The following TRIM47 variants were observed in gnomAD, a reference collection of about 807,000 sequenced individuals.
TRIM47 encodes tripartite motif containing 47, also known as E3 ubiquitin-protein ligase TRIM47.
Under a neutral mutation model 54.4 loss-of-function variants are expected in TRIM47, and 46 were observed. The ratio of observed to expected loss-of-function variants is 0.84; its 90% CI spans 0.67 to 1.08. The LOEUF is 1.08. Among genes scored for constraint, TRIM47 ranks in the 50% least tolerant of loss-of-function variants. The pLI is 0.00. For synonymous variants in TRIM47, 392 were observed against 410.2 expected (o/e 0.96, Z 0.54); for missense variants, 825 against 910.1 (o/e 0.91, Z 1.20).
In TRIM47 at chr17:75,874,972, G is replaced by T. The variant is rs1218750308; in HGVS notation, c.1428C>A (p.Ala476=). 6.2e-7 allele frequency: 1 copy of T among 1,613,964 alleles called. No homozygotes were observed. Residue 476 remains alanine, a synonymous_variant, in exon 6 of 6, where the codon GCC becomes GCA. Transcript: ENST00000254816. This position sits in a 1 kb window ranked among gnomAD's most constrained non-coding sequence, Gnocchi z 6.2. ...THCEQVLGEG[A]LDRGTYYWEV... Reference sequence around the variant, plus strand: ...CCCAGTAGTAGGTGCCTCGGTCCAGGGCACCCTCGCCCAGCACCTGCTCAC... The same window carrying T: ...CCCAGTAGTAGGTGCCTCGGTCCAGTGCACCCTCGCCCAGCACCTGCTCAC...
At position 75,874,873 on chromosome 17, in the gene TRIM47, G is replaced by C; in HGVS notation, c.1527C>G (p.Asp509Glu). The stretch of plus-strand genomic sequence containing the variant: ...GGGCGTTGCGGCCCAGCCGGCCGCG[G>C]TCGTAGGGCTCTTGTGGGGAGAAGT... ...AEDFSPQEPY[D>E]RGRLGRNAHS... is the part of the protein sequence containing the mutation. The change falls in exon 6 of 6, where the codon GAC (aspartate) becomes GAG (glutamate). Residue 509 changes from aspartate to glutamate, a missense_variant. By Grantham distance (45) the Asp-to-Glu change is conservative. Transcript: ENST00000254816. This position sits in a 1 kb window ranked among gnomAD's most constrained non-coding sequence, Gnocchi z 6.2. 1.2e-6 allele frequency: 2 copies of C among 1,614,170 alleles called. No homozygotes were observed. The highest frequency in any genetic ancestry group is 1.6e-4 in the Middle Eastern group (1 of 6,062).
Position 75,877,764 on chromosome 17 carries a change from G to A in TRIM47, c.675+110C>T, listed in dbSNP as rs1039581475. The A allele has an allele frequency of 8.8e-6, 11 of 1,254,348 alleles. No individual in the cohort carries two copies. The African/African-American group carries it at 1.4e-4, about 16-fold the overall frequency. 77.7% of individuals were successfully genotyped at this position (1,254,348 alleles called of 1,614,324 possible). On this transcript the variant is annotated intron_variant, in intron 1 of 5. Coordinates refer to ENST00000254816, the MANE Select transcript of TRIM47 (RefSeq NM_033452.3). ...GACCGCAAAGATCCTCAGGTTAGAGGAGGAGATTAAGACCCAACCCGGGAA... is the reference window on the plus strand; with the variant it reads ...GACCGCAAAGATCCTCAGGTTAGAGAAGGAGATTAAGACCCAACCCGGGAA...
Position 75,878,333 on chromosome 17 carries a change from C to A in TRIM47, c.216G>T (p.Thr72=). 1 of 1,318,378 alleles carries A rather than the reference C, an allele frequency of 7.6e-7. No homozygotes were observed. Among genetic ancestry groups the A allele is most frequent in the Non-Finnish European group, 9.7e-7 (1 of 1,028,618 alleles). 81.7% of individuals were successfully genotyped at this position (1,318,378 alleles called of 1,614,324 possible). A position where few individuals can be genotyped will look rare whatever the true frequency, so the allele number is the denominator to read the frequency against. ...PDGLQLRKNH[T]LSELLQLRQG... Reference sequence around the variant, plus strand: ...GGCGGAGCTGCAGCAGCTCGGACAGCGTGTGGTTCTTGCGGAGCTGAAGGC... The same window carrying A: ...GGCGGAGCTGCAGCAGCTCGGACAGAGTGTGGTTCTTGCGGAGCTGAAGGC... Residue 72 remains threonine (T), a synonymous_variant, in exon 1 of 6, where the codon ACG becomes ACT. Coordinates refer to ENST00000254816, the MANE Select transcript of TRIM47 (RefSeq NM_033452.3).
Position 75,878,435 on chromosome 17 carries a change from C to A in TRIM47, c.114G>T (p.Pro38=), listed in dbSNP as rs757924226. 2.8e-6 allele frequency: 4 copies of A among 1,426,624 alleles called. No homozygotes were observed. Among genetic ancestry groups the A allele is most frequent in the Admixed American group, 2.5e-5 (1 of 39,960 alleles). The allele number at this position is 1,426,624 out of a possible 1,614,324, so 88.4% of individuals were successfully genotyped here. The change falls in exon 1 of 6, where the codon CCG becomes CCT. Residue 38 remains proline (P), a synonymous_variant. Transcript: ENST00000254816. ...FCLACLGALW[P]HRGASGAGGP... ...CGCCGGCTCCACTCGCGCCACGATGCGGCCAGAGCGCGCCCAGGCAGGCGA... is the reference window on the plus strand; with the variant it reads ...CGCCGGCTCCACTCGCGCCACGATGAGGCCAGAGCGCGCCCAGGCAGGCGA...
chr17:75,875,940 C>T lies in TRIM47; in HGVS notation c.1162G>A (p.Gly388Ser), dbSNP rs1274252290. 6.2e-7 allele frequency: 1 copy of T among 1,611,604 alleles called. No individual in the cohort carries two copies. Among genetic ancestry groups the T allele is most frequent in the Non-Finnish European group, 8.5e-7 (1 of 1,179,950 alleles). ...VNQWEQLRGP[G>S]GNEDGPQKLD... is the part of the protein sequence containing the mutation. ...TTCTGTGGCCCATCCTCGTTGCCAC[C>T]CGGCCCCCTCAGCTGCTCCCACTGG... The change falls in exon 4 of 6, where the codon GGT becomes AGT. Residue 388 changes from glycine (G) to serine (S), a missense_variant. Coordinates refer to ENST00000254816, the MANE Select transcript of TRIM47 (RefSeq NM_033452.3). The surrounding 1 kb of genome is among the most constrained non-coding windows in gnomAD (Gnocchi z 6.1).
chr17:75,876,962 A>C, intron 1 of TRIM47, 149 bp from the exon 2 acceptor site: 1 of 730,512 alleles, frequency 1.4e-6, no homozygotes, highest in Non-Finnish European at 2.2e-6. Flanking sequence ...ATGTCCCATA[A>C]TATGCCAGAG....
Position 75,877,982 on chromosome 17 carries a change from G to A in TRIM47, c.567C>T (p.Leu189=). 7 of 1,464,436 alleles carry A rather than the reference G, an allele frequency of 4.8e-6. No homozygotes were observed. Among genetic ancestry groups the A allele is most frequent in the Non-Finnish European group, 6.3e-6 (7 of 1,112,378 alleles). The allele number at this position is 1,464,436 out of a possible 1,614,324, so 90.7% of individuals were successfully genotyped here. The change falls in exon 1 of 6, where the codon CTC becomes CTT. Residue 189 remains leucine (L), a synonymous_variant. Transcript: ENST00000254816. ...ESLCPRHLRP[L]ERYCRAERVC... ...CGCGCTCCGCGCGGCAGTAGCGCTC[G>A]AGCGGCCGTAGGTGGCGCGGGCACA...
At position 75,876,857 on chromosome 17, in the gene TRIM47, A is replaced by G. The variant is rs1352722013; in HGVS notation, c.676-44T>C. On this transcript the variant is annotated intron_variant, in intron 1 of 5. Transcript: ENST00000254816. ...ATGAGTGTGAGGTCTGGCAGAGGCC[A>G]CAGCCCTACACTCGGGTCCCAGGCC... 4.4e-6 allele frequency: 7 copies of G among 1,590,666 alleles called. No homozygotes were observed. The African/African-American group carries it at 9.4e-5, about 21-fold the overall frequency.
intron 1 of TRIM47, chr17:75,877,043 C>G: frequency 3.5e-6 from 2 of 566,106 alleles, no homozygotes; most frequent in Non-Finnish European, 6.4e-6. Context: ...GTGTCTGCCT[C>G]GGGTCTCTGA....
Position 75,878,565 on chromosome 17 carries a change from AG to A in TRIM47, c.-18del. On this transcript the variant is annotated 5_prime_UTR_variant, in exon 1 of 6. Coordinates refer to ENST00000254816, the MANE Select transcript of TRIM47 (RefSeq NM_033452.3). ...GCCGTCCATGACTCCGCGGCCGCCC[AG>A]GGCGCCGCCGATTGTGCTCCGGCCT... 1 of 1,267,488 alleles carries A rather than the reference AG, an allele frequency of 7.9e-7. No individual in the cohort carries two copies. The highest frequency in any genetic ancestry group is 1.0e-6 in the Non-Finnish European group (1 of 1,001,864). The allele number at this position is 1,267,488 out of a possible 1,614,324, so 78.5% of individuals were successfully genotyped here. A position where few individuals can be genotyped will look rare whatever the true frequency, so the allele number is the denominator to read the frequency against.
chr17:75,875,427 C>T lies in TRIM47; in HGVS notation c.1249G>A (p.Glu417Lys). ...TTGAGGAAATAGTCCCTGGGAGCTTCACTCTCCAAGAGGTTCGTACTCTCG... is the reference window on the plus strand; with the variant it reads ...TTGAGGAAATAGTCCCTGGGAGCTTTACTCTCCAAGAGGTTCGTACTCTCG... ...DLESTNLLES[E>K]APRDYFLKFA... The change falls in exon 5 of 6, where the codon GAA (glutamate) becomes AAA (lysine). Residue 417 changes from glutamate (E) to lysine (K), a missense_variant. Transcript: ENST00000254816. The surrounding 1 kb of genome is among the most constrained non-coding windows in gnomAD (Gnocchi z 6.1). The T allele has an allele frequency of 3.7e-6, 6 of 1,614,106 alleles. No individual in the cohort carries two copies. The highest frequency in any genetic ancestry group is 5.1e-6 in the Non-Finnish European group (6 of 1,180,008).
chr17:75,876,037 C>T lies in TRIM47; in HGVS notation c.1065G>A (p.Arg355=), dbSNP rs951352638. 1 of 1,603,094 alleles carries T rather than the reference C, an allele frequency of 6.2e-7. No homozygotes were observed. Among genetic ancestry groups the T allele is most frequent in the Admixed American group, 1.7e-5 (1 of 60,000 alleles). ...GGGATGATTTGGTGAAGCTGAGCTC[C>T]CTCGGGGGTCCAGGCCCAGGGCCAC... ...DGCGPGPGPP[R]ELSFTKSSQA... Residue 355 remains arginine (R), a synonymous_variant, in exon 4 of 6, where the codon AGG becomes AGA. Transcript: ENST00000254816.
Position 75,875,162 on chromosome 17 carries a change from C to T in TRIM47, c.1277-39G>A. On this transcript the variant is annotated intron_variant, in intron 5 of 5. Coordinates refer to ENST00000254816, the MANE Select transcript of TRIM47 (RefSeq NM_033452.3). The surrounding 1 kb of genome is among the most constrained non-coding windows in gnomAD (Gnocchi z 6.1). ...CAGAAGAGAGAGGCAGGGCTCAGGG[C>T]CAGGCTCAGAGGGCACGGCCCCTCC... 8 of 1,556,372 alleles carry T rather than the reference C, an allele frequency of 5.1e-6. No homozygotes were observed. The highest frequency in any genetic ancestry group is 7.0e-6 in the Non-Finnish European group (8 of 1,149,838).
In TRIM47 at chr17:75,878,564, C is replaced by T. The variant is rs2065150302; in HGVS notation, c.-16G>A. ...TGCCGTCCATGACTCCGCGGCCGCC[C>T]AGGGCGCCGCCGATTGTGCTCCGGC... On this transcript the variant is annotated 5_prime_UTR_variant, in exon 1 of 6. Coordinates refer to ENST00000254816, the MANE Select transcript of TRIM47 (RefSeq NM_033452.3). 3.9e-6 allele frequency: 5 copies of T among 1,267,780 alleles called. No homozygotes were observed. The South Asian group carries it at 9.9e-5, about 25-fold the overall frequency. The allele number at this position is 1,267,780 out of a possible 1,614,324, so 78.5% of individuals were successfully genotyped here. A position where few individuals can be genotyped will look rare whatever the true frequency, so the allele number is the denominator to read the frequency against.
chr17:75,877,175 G>A, intron 1 of TRIM47: 1 of 303,284 alleles, frequency 3.3e-6, no homozygotes. Flanking sequence ...GCGGCGGAGG[G>A]GTGACTGCAC....
In TRIM47 at chr17:75,875,297, G is replaced by C. The variant is rs2065126860; in HGVS notation, c.1276+103C>G. On this transcript the variant is annotated intron_variant, in intron 5 of 5. Transcript: ENST00000254816. This position sits in a 1 kb window ranked among gnomAD's most constrained non-coding sequence, Gnocchi z 6.1. ...CTGCCCTAGCTCTCCCCACAAACTGGGGAGAGGAATCCTAACCCTTGTGTG... is the reference window on the plus strand; with the variant it reads ...CTGCCCTAGCTCTCCCCACAAACTGCGGAGAGGAATCCTAACCCTTGTGTG... 2.7e-6 allele frequency: 4 copies of C among 1,459,436 alleles called. No individual in the cohort carries two copies. Among genetic ancestry groups the C allele is most frequent in the Admixed American group, 1.7e-5 (1 of 57,220 alleles). The allele number at this position is 1,459,436 out of a possible 1,614,324, so 90.4% of individuals were successfully genotyped here.
chr17:75,877,261 G>A (rs2143976245), intron 1 of TRIM47: 1 of 173,866 alleles, frequency 5.8e-6, no homozygotes, highest in East Asian at 1.6e-4. Context: ...GGAAAAAAGG[G>A]GATTCCGGGC....
At position 75,875,455 on chromosome 17, in the gene TRIM47, G is replaced by T; in HGVS notation, c.1221C>A (p.Asp407Glu). ...TCTCCAAGAGGTTCGTACTCTCGAGGTCTTGGGGCTCAGCATCAGCTGTAG... is the reference window on the plus strand; with the variant it reads ...TCTCCAAGAGGTTCGTACTCTCGAGTTCTTGGGGCTCAGCATCAGCTGTAG... ...LDSEADAEPQDLESTNLLESE... is the reference protein window; with the variant it reads ...LDSEADAEPQELESTNLLESE... Residue 407 changes from aspartate to glutamate, a missense_variant, in exon 5 of 6, where the codon GAC (aspartate) becomes GAA (glutamate). Coordinates refer to ENST00000254816, the MANE Select transcript of TRIM47 (RefSeq NM_033452.3). The surrounding 1 kb of genome is among the most constrained non-coding windows in gnomAD (Gnocchi z 6.1). 1 of 1,614,110 alleles carries T rather than the reference G, an allele frequency of 6.2e-7. No homozygotes were observed. The highest frequency in any genetic ancestry group is 1.1e-5 in the South Asian group (1 of 91,088).
chr17:75,878,417 T>C lies in TRIM47; in HGVS notation c.132A>G (p.Gly44=). The C allele has an allele frequency of 7.0e-7, 1 of 1,430,780 alleles. No individual in the cohort carries two copies. The highest frequency in any genetic ancestry group is 9.2e-7 in the Non-Finnish European group (1 of 1,084,262). The allele number at this position is 1,430,780 out of a possible 1,614,324, so 88.6% of individuals were successfully genotyped here. The change falls in exon 1 of 6, where the codon GGA becomes GGG. Residue 44 remains glycine (G), a synonymous_variant. Coordinates refer to ENST00000254816, the MANE Select transcript of TRIM47 (RefSeq NM_033452.3). ...GGGCCGCGCCTCCGGGTCCGCCGGCTCCACTCGCGCCACGATGCGGCCAGA... is the reference window on the plus strand; with the variant it reads ...GGGCCGCGCCTCCGGGTCCGCCGGCCCCACTCGCGCCACGATGCGGCCAGA... ...GALWPHRGAS[G]AGGPGGAARC... is the part of the protein sequence containing the mutation.
Sources: gnomAD v4.1 joint callset for allele counts on GRCh38, gnomAD v4.1.1 for gene constraint, Gnocchi (gnomAD v3.1) non-coding constraint, MANE v1.5 for transcripts, NCBI Gene and HGNC (gene_info 2026-07-23, HGNC 2026-07-21) for gene names.